ANXA8: variants seen among roughly 807,000 people sequenced by gnomAD.
ANXA8 encodes the protein VAC-beta.
In ANXA8, 9 loss-of-function variants were observed where a neutral mutation model predicts 26.8. The observed-to-expected ratio is 0.34, with a 90% CI of 0.20 to 0.59. ANXA8 has a LOEUF of 0.59. Among genes scored for constraint, ANXA8 ranks in the 20% least tolerant of loss-of-function variants. ANXA8 has a pLI of 0.84. For synonymous variants in ANXA8, 39 were observed against 94.8 expected (o/e 0.41, Z 3.42); for missense variants, 83 against 238.5 (o/e 0.35, Z 4.29).
chr10:47,902,166 T>A, the ANXA8 span, among the ~76,000 whole-genome samples: 1 of 151,928 alleles, frequency 6.6e-6, no homozygotes. Context: ...AGTAAGAGCC[T>A]TAAAGTTAAA....
chr10:47,549,237 C>T, the ANXA8 span: 207,944 of 1,334,902 alleles, frequency 0.16, 8,755 homozygotes, highest in South Asian at 0.2. Flanking sequence ...CCCTTCATCA[C>T]GGGGTAAATA....
the ANXA8 span, among the ~76,000 whole-genome samples, chr10:47,541,096 C>CCCAGGATTTT: frequency 8.4e-6 from 1 of 119,620 alleles, no homozygotes; most frequent in Non-Finnish European, 1.7e-5. Flanking sequence ...GAGGCCAAGT[C>CCCAGGATTTT]GGGAGGATTG....
At chr10:47,514,467 G>T in the ANXA8 span, among the ~76,000 whole-genome samples, 1 of 114,366 alleles carries the variant, frequency 8.7e-6, no homozygotes, top group Non-Finnish European at 1.7e-5. Flanking sequence ...TTGGGGGAAA[G>T]GCTGGGAGGA....
At chr10:47,955,313 T>C in the ANXA8 span, among the ~76,000 whole-genome samples, 5 of 150,640 alleles carry the variant, frequency 3.3e-5, no homozygotes, top group Admixed American at 2.6e-4. Flanking sequence ...CTTGGGTATG[T>C]CTCTATCAGC....
the ANXA8 span, among the ~76,000 whole-genome samples, chr10:47,721,237 T>C: frequency 7.0e-6 from 1 of 142,110 alleles, no homozygotes; most frequent in South Asian, 2.2e-4. Flanking sequence ...AGGTGACTTA[T>C]TTATATCATT....
At chr10:47,679,754 CAA>C in the ANXA8 span, among the ~76,000 whole-genome samples, 1 of 151,382 alleles carries the variant, frequency 6.6e-6, no homozygotes, top group South Asian at 2.1e-4. Context: ...CCCTGTCTCT[CAA>C]AAAAAAGTTT....
chr10:47,968,692 A>G, the ANXA8 span, among the ~76,000 whole-genome samples: 1 of 150,270 alleles, frequency 6.7e-6, no homozygotes, highest in Admixed American at 6.7e-5. Flanking sequence ...GTGGTCATTC[A>G]CAGTATGGTA....
the ANXA8 span, chr10:47,553,563 CA>C: frequency 6.2e-6 from 1 of 162,342 alleles, no homozygotes. Context: ...CGGAGGGAAA[CA>C]AAAAGGCAGA....
chr10:47,957,775 A>C, the ANXA8 span, among the ~76,000 whole-genome samples: 1 of 148,590 alleles, frequency 6.7e-6, no homozygotes, highest in Non-Finnish European at 1.5e-5. Flanking sequence ...CGTGGCTCTG[A>C]TCTCTGCCTC....
At chr10:47,696,961 G>C in the ANXA8 span, among the ~76,000 whole-genome samples, 1 of 151,556 alleles carries the variant, frequency 6.6e-6, no homozygotes, top group African/African-American at 2.4e-5. Flanking sequence ...TATTCAGACA[G>C]CTGTGGTTTG....
chr10:47,777,423 G>A, the ANXA8 span, among the ~76,000 whole-genome samples: 1 of 152,128 alleles, frequency 6.6e-6, no homozygotes, highest in South Asian at 2.1e-4. Context: ...GAAGTGCTGG[G>A]TTTACAGGTG....
chr10:47,685,220 C>T, the ANXA8 span, among the ~76,000 whole-genome samples: 1 of 151,024 alleles, frequency 6.6e-6, no homozygotes, highest in African/African-American at 2.4e-5. Context: ...GTGGTGCATG[C>T]CTGTAATCTC....
chr10:47,762,073 T>TC, the ANXA8 span, among the ~76,000 whole-genome samples: 1 of 125,918 alleles, frequency 7.9e-6, no homozygotes. Flanking sequence ...AAAGGTACCT[T>TC]CCCCCTGGTC....
the ANXA8 span, among the ~76,000 whole-genome samples, chr10:47,772,006 C>T: frequency 7.9e-5 from 12 of 151,870 alleles, no homozygotes; most frequent in African/African-American, 2.7e-4. Context: ...TTCATTAGCT[C>T]TAAGATGTCA....
chr10:47,502,586 G>A, the ANXA8 span: 574 of 1,605,572 alleles, frequency 3.6e-4, 3 homozygotes, highest in Admixed American at 1.2e-3. Flanking sequence ...GATCGCACAC[G>A]GGAAAGGCGG....
the ANXA8 span, among the ~76,000 whole-genome samples, chr10:47,951,835 A>T: frequency 1.3e-5 from 2 of 148,998 alleles, no homozygotes; most frequent in Non-Finnish European, 3.0e-5. Flanking sequence ...AAAAAAAAAA[A>T]AGGAATATAC....
the ANXA8 span, among the ~76,000 whole-genome samples, chr10:47,649,479 G>A: frequency 6.6e-6 from 1 of 151,314 alleles, no homozygotes; most frequent in Non-Finnish European, 1.5e-5. Context: ...TGCCATCTTG[G>A]TTCACTGCAA....
chr10:47,669,967 T>C, the ANXA8 span, among the ~76,000 whole-genome samples: 7,558 of 151,222 alleles, frequency 0.05, 437 homozygotes, highest in African/African-American at 0.18. Context: ...TCTAGAACTT[T>C]TCTATCACAC....
chr10:47,772,654 C>T, the ANXA8 span, among the ~76,000 whole-genome samples: 110 of 152,000 alleles, frequency 7.2e-4, no homozygotes, highest in African/African-American at 2.4e-3. Flanking sequence ...AACTAGAAAT[C>T]GGTCAACCCC....
Sources: gnomAD v4.1 joint callset for allele counts (sites outside exome capture counted in the v4.1 genomes callset) on GRCh38, gnomAD v4.1.1 for gene constraint, MANE v1.5 for transcripts, NCBI Gene and HGNC (gene_info 2026-07-23, HGNC 2026-07-21) for gene names.